The following NUP214 variants were observed in gnomAD, a reference collection of about 807,000 sequenced individuals.
The protein encoded by NUP214 is nuclear pore complex protein Nup214.
A neutral mutation model predicts 196.2 loss-of-function variants in NUP214; 79 were observed. The ratio of observed to expected loss-of-function variants is 0.40; its 90% CI spans 0.34 to 0.49. The LOEUF (loss-of-function observed/expected upper bound fraction) is 0.49, where lower values mean the gene tolerates loss of function less well. Ranked by LOEUF, NUP214 falls within the 20% of genes least tolerant of loss-of-function variation. The pLI, the probability that NUP214 is intolerant of heterozygous loss-of-function variation, is 0.58. For synonymous variants in NUP214, 1,020 were observed against 990.5 expected, an observed-to-expected ratio of 1.03 and a Z score of -0.56; for missense variants, 2,468 against 2,539.0, an observed-to-expected ratio of 0.97 and a Z score of 0.60.
rs1588131069 is a variant in NUP214, at chr9:131,146,428, C to G, written c.1945+124C>G. On this transcript the variant is annotated intron_variant, in intron 13 of 35. Transcript: ENST00000359428. This position sits in a 1 kb window ranked among gnomAD's most constrained non-coding sequence, Gnocchi z 4.6. ...ATTTTTTCTTGCTTCCTGTATCATA[C>G]ATTAATGATTAATGTGCTGTGATTT... is the stretch of plus-strand genomic sequence containing the variant. 2 of 935,248 alleles carry G rather than the reference C, an allele frequency of 2.1e-6. No homozygotes were observed. The highest frequency in any genetic ancestry group is 2.3e-5 in the Admixed American group (1 of 44,362). The allele number at this position is 935,248 out of a possible 1,614,324, so 57.9% of individuals were successfully genotyped here. A position where few individuals can be genotyped will look rare whatever the true frequency, so the allele number is the denominator to read the frequency against.
intron 1 of NUP214, 84 bp from the exon 2 acceptor site, chr9:131,127,440 T>A: frequency 9.5e-7 from 1 of 1,057,102 alleles, no homozygotes. Flanking sequence ...ATATTTTTGT[T>A]GTACTGAAAT....
chr9:131,140,084 A>G (rs1258626514), intron 10 of NUP214, among the ~76,000 whole-genome samples: 8 of 152,222 alleles, frequency 5.3e-5, no homozygotes, highest in African/African-American at 1.9e-4. Context: ...GATAAAATAC[A>G]TACTTGTCAT....
rs1396290597 is a variant in NUP214 at position 131,155,346 on chromosome 9, G to A, written c.2436+3452G>A. ...ACTTTTTGATGGGATTGTTTGTTTT[G>A]TTCTTGCTGATATGTTTGAGTTCCT... On this transcript the variant is annotated intron_variant, in intron 17 of 35. Transcript: ENST00000359428. 2.6e-5 allele frequency among the ~76,000 whole-genome samples: 4 copies of A among 152,000 alleles called. No individual in the cohort carries two copies. The East Asian group carries it at 7.7e-4, about 29-fold the overall frequency.
chr9:131,200,706 C>G (rs1423488849), intron 29 of NUP214, among the ~76,000 whole-genome samples: 1 of 152,094 alleles, frequency 6.6e-6, no homozygotes. Flanking sequence ...GAGACTCCAT[C>G]TCCATTAAAA....
Position 131,230,503 on chromosome 9 carries a change from G to T in NUP214, c.6075-127G>T, listed in dbSNP as rs1834844093. On this transcript the variant is annotated intron_variant, in intron 33 of 35. Coordinates refer to ENST00000359428, the MANE Select transcript of NUP214 (RefSeq NM_005085.4). ...TTCTCTCTGAAAGGCTGCTAGTTAG[G>T]CCCAGCCTGTCACCCTGGATCATGA... is the stretch of plus-strand genomic sequence containing the variant. 3 of 1,128,640 alleles carry T rather than the reference G, an allele frequency of 2.7e-6. No homozygotes were observed. The East Asian group carries it at 7.4e-5, about 28-fold the overall frequency. The allele number at this position is 1,128,640 out of a possible 1,614,324, so 69.9% of individuals were successfully genotyped here.
At position 131,127,650 on chromosome 9, in the gene NUP214, G is replaced by T; in HGVS notation, c.172G>T (p.Gly58Cys). Residue 58 changes from glycine (G) to cysteine (C), a missense_variant, in exon 2 of 36, where the codon GGC becomes TGC. Physicochemically the swap from Gly to Cys is radical, Grantham distance 159. Transcript: ENST00000359428. The part of the protein sequence containing the change: ...YGLVFAGGAS[G>C]LQIFPTKNLL... ...TCTGGTCTTCGCTGGTGGAGCCAGT[G>T]GCTTGCAGATTTTTCCTACTAAAAA... 1 of 1,614,048 alleles carries T rather than the reference G, an allele frequency of 6.2e-7. No individual in the cohort carries two copies. The highest frequency in any genetic ancestry group is 8.5e-7 in the Non-Finnish European group (1 of 1,179,992).
At chr9:131,215,655 A>T (rs988477919) in intron 31 of NUP214, among the ~76,000 whole-genome samples, 10 of 152,098 alleles carry the variant, frequency 6.6e-5, no homozygotes, top group East Asian at 3.9e-4. Flanking sequence ...GTTTCTTAGT[A>T]TTGGAGTGAC....
In NUP214 at chr9:131,197,398, G is replaced by C. The variant is rs1278509349; in HGVS notation, c.3904G>C (p.Ala1302Pro). The change falls in exon 29 of 36, where the codon GCT (alanine) becomes CCT (proline). Residue 1302 changes from alanine (A) to proline (P), a missense_variant. Coordinates refer to ENST00000359428, the MANE Select transcript of NUP214 (RefSeq NM_005085.4). ...SSRPVAPSGTALSTTSSKLET... is the reference protein window; with the variant it reads ...SSRPVAPSGTPLSTTSSKLET... Reference sequence around the variant, plus strand: ...CAGACCTGTGGCACCTTCTGGAACTGCTCTTTCCACCACCTCTAGTAAGCT... The same window carrying C: ...CAGACCTGTGGCACCTTCTGGAACTCCTCTTTCCACCACCTCTAGTAAGCT... The C allele has an allele frequency of 4.3e-6, 7 of 1,614,034 alleles. No homozygotes were observed. Among genetic ancestry groups the C allele is most frequent in the Non-Finnish European group, 5.9e-6 (7 of 1,180,044 alleles).
chr9:131,200,731 A>G (rs564544611), intron 29 of NUP214, among the ~76,000 whole-genome samples: 35 of 152,008 alleles, frequency 2.3e-4, no homozygotes, highest in Admixed American at 3.9e-4. Context: ...AAAAGAAACG[A>G]GAGTAGAACT....
chr9:131,178,470 C>G (rs1297523860), intron 24 of NUP214, 60 bp downstream of exon 24: 2 of 1,231,138 alleles, frequency 1.6e-6, no homozygotes, highest in Admixed American at 3.7e-5. Flanking sequence ...CGGTGGACTG[C>G]CTGCAGGGAG....
chr9:131,230,552 A>G (rs352963), intron 33 of NUP214, 78 bp from the exon 34 acceptor site: 1,556,122 of 1,565,532 alleles, frequency 0.99, 773,829 homozygotes, highest in East Asian at 1. Context: ...TGGGACTTAC[A>G]GCAGGGGGCT....
chr9:131,134,846 A>G lies in NUP214; in HGVS notation c.832-52A>G, dbSNP rs550991056. ...TTATTTGAGATTCTTTTGCTGTGGG[A>G]TCTGAGAAAAATTGCACATGAGAAT... On this transcript the variant is annotated intron_variant, in intron 7 of 35. Transcript: ENST00000359428. 1.3e-4 allele frequency: 146 copies of G among 1,097,602 alleles called. No homozygotes were observed. The Middle Eastern group carries it at 2.0e-3, about 15-fold the overall frequency. The allele number at this position is 1,097,602 out of a possible 1,614,324, so 68.0% of individuals were successfully genotyped here.
chr9:131,181,720 A>G (rs1833283631), intron 24 of NUP214, among the ~76,000 whole-genome samples: 1 of 152,158 alleles, frequency 6.6e-6, no homozygotes, highest in South Asian at 2.1e-4. Context: ...TATAATCTGT[A>G]TTCAAGTCTC....
At chr9:131,137,478 G>A (rs909719212) in intron 9 of NUP214, among the ~76,000 whole-genome samples, 3 of 150,660 alleles carry the variant, frequency 2.0e-5, no homozygotes, top group African/African-American at 4.9e-5. Flanking sequence ...GAGTTACAGC[G>A]TTGTTTTAAT....
chr9:131,132,592 T>C lies in NUP214; in HGVS notation c.664-4T>C, dbSNP rs776805159. On this transcript the variant is annotated splice_polypyrimidine_tract_variant and splice_region_variant and intron_variant, in intron 5 of 35. Transcript: ENST00000359428. ...CTTTATTTTCCCCTCCAAATCTCTT[T>C]CAGACTTTGCAGGAAAAAAAAGTCA... is the stretch of plus-strand genomic sequence containing the variant. 2.5e-6 allele frequency: 4 copies of C among 1,613,224 alleles called. No individual in the cohort carries two copies. The highest frequency in any genetic ancestry group is 2.2e-5 in the East Asian group (1 of 44,878).
At chr9:131,161,544 A>G (rs1211834837) in intron 18 of NUP214, among the ~76,000 whole-genome samples, 1 of 152,174 alleles carries the variant, frequency 6.6e-6, no homozygotes, top group Admixed American at 6.5e-5. Flanking sequence ...GGCGTGAGCC[A>G]CCGCGCCTGG....
intron 31 of NUP214, among the ~76,000 whole-genome samples, chr9:131,221,505 C>T (rs1834554579): frequency 6.6e-6 from 1 of 152,164 alleles, no homozygotes; most frequent in Non-Finnish European, 1.5e-5. Context: ...TGGTTGGTAG[C>T]AGCATGAGTT....
At chr9:131,172,036 C>T (rs1588145393) in intron 21 of NUP214, among the ~76,000 whole-genome samples, 1 of 152,008 alleles carries the variant, frequency 6.6e-6, no homozygotes, top group South Asian at 2.1e-4. Flanking sequence ...GTCTTTATAG[C>T]AGCATGATTT....
chr9:131,148,834 TGTC>T (rs1291584750), intron 14 of NUP214, among the ~76,000 whole-genome samples: 1 of 152,214 alleles, frequency 6.6e-6, no homozygotes, highest in Non-Finnish European at 1.5e-5. Context: ...CACTGTGAAT[TGTC>T]TATTCATTGT....
Sources: gnomAD v4.1 joint callset for allele counts (sites outside exome capture counted in the v4.1 genomes callset) on GRCh38, gnomAD v4.1.1 for gene constraint, Gnocchi (gnomAD v3.1) non-coding constraint, MANE v1.5 for transcripts, NCBI Gene and HGNC (gene_info 2026-07-23, HGNC 2026-07-21) for gene names.